Variants in KLHL29 observed in about 807,000 individuals in gnomAD.
KLHL29 encodes the protein kelch like family member 29.
Under a neutral mutation model 80.4 loss-of-function variants are expected in KLHL29, and 21 were observed. The ratio of observed to expected loss-of-function variants is 0.26; its 90% CI spans 0.19 to 0.38. The LOEUF (loss-of-function observed/expected upper bound fraction) is 0.38, where lower values mean the gene tolerates loss of function less well. Ranked by LOEUF, KLHL29 falls within the 10% of genes least tolerant of loss-of-function variation. The pLI, the probability that KLHL29 is intolerant of heterozygous loss-of-function variation, is 1.00. For missense variants in KLHL29, 867 were observed against 1,223.9 expected, an observed-to-expected ratio of 0.71 and a Z score of 4.35; for synonymous variants, 511 against 526.8, an observed-to-expected ratio of 0.97 and a Z score of 0.41.
chr2:23,493,632 CGTGT>C (rs926173957), intron 2 of KLHL29, among the ~76,000 whole-genome samples: 2 of 149,962 alleles, frequency 1.3e-5, no homozygotes, highest in African/African-American at 4.9e-5. Context: ...GCGGGGTGGG[CGTGT>C]GTGTGTGAGT....
At chr2:23,478,585 GAA>G (rs1460204984) in intron 2 of KLHL29, among the ~76,000 whole-genome samples, 1 of 152,172 alleles carries the variant, frequency 6.6e-6, no homozygotes, top group Non-Finnish European at 1.5e-5. Flanking sequence ...TGCACTGCAG[GAA>G]AGAGGGGTGG....
chr2:23,455,605 A>ATTTTTTT (rs397873479), intron 1 of KLHL29, among the ~76,000 whole-genome samples: 3 of 105,996 alleles, frequency 2.8e-5, no homozygotes, highest in Non-Finnish European at 5.6e-5. Context: ...TGGTCTCCTG[A>ATTTTTTT]TTTTTTTTTT....
chr2:23,698,079 C>G (rs1207288569), intron 11 of KLHL29: 1 of 152,276 alleles, frequency 6.6e-6, no homozygotes, highest in African/African-American at 2.4e-5. Flanking sequence ...ACAAGCTCTA[C>G]TCTTCCAGGG....
chr2:23,529,018 G>T (rs1323757415), intron 2 of KLHL29, among the ~76,000 whole-genome samples: 1 of 152,236 alleles, frequency 6.6e-6, no homozygotes, highest in Non-Finnish European at 1.5e-5. Context: ...TAAGCCTCTT[G>T]TCACTAGAAA....
intron 1 of KLHL29, among the ~76,000 whole-genome samples, chr2:23,430,106 C>T (rs1663127459): frequency 6.6e-6 from 1 of 152,098 alleles, no homozygotes; most frequent in Non-Finnish European, 1.5e-5. Flanking sequence ...TTCCTTCCAC[C>T]AGTGCAGTGG....
At chr2:23,694,349 G>C (rs957939894) in intron 8 of KLHL29, among the ~76,000 whole-genome samples, 3 of 152,034 alleles carry the variant, frequency 2.0e-5, no homozygotes, top group Admixed American at 6.5e-5. Context: ...TAAGTGGATC[G>C]ACTTCCCTCT....
chr2:23,632,707 A>G (rs1215597641), intron 3 of KLHL29, among the ~76,000 whole-genome samples: 2 of 152,248 alleles, frequency 1.3e-5, no homozygotes, highest in African/African-American at 2.4e-5. Flanking sequence ...ATAACCCTGC[A>G]GAGTGAGAAG....
In KLHL29 at chr2:23,541,275, G is replaced by A. The variant is rs747289963; in HGVS notation, c.-45-20877G>A. On this transcript the variant is annotated intron_variant, in intron 2 of 13. Transcript: ENST00000486442. The stretch of plus-strand genomic sequence containing the variant: ...TGCATGGGTGGATGCACGGGTAGAT[G>A]GATGGATGGATGGATAAGTAGATGG... Among the ~76,000 whole-genome samples, 190 of 152,314 alleles carry A rather than the reference G, an allele frequency of 1.2e-3. 1 individual carries two copies. Among genetic ancestry groups the A allele is most frequent in the Non-Finnish European group, 2.6e-4 (18 of 68,016 alleles).
At chr2:23,612,116 G>A (rs548107422) in intron 3 of KLHL29, among the ~76,000 whole-genome samples, 2 of 152,258 alleles carry the variant, frequency 1.3e-5, no homozygotes, top group African/African-American at 4.8e-5. Context: ...ACTGTTGAAA[G>A]ATATCAAGTC....
intron 1 of KLHL29, among the ~76,000 whole-genome samples, chr2:23,410,872 C>T (rs2103394818): frequency 6.6e-6 from 1 of 152,194 alleles, no homozygotes; most frequent in South Asian, 2.1e-4. Context: ...GACTCACAGG[C>T]CCCATCCTTC....
intron 3 of KLHL29, among the ~76,000 whole-genome samples, chr2:23,621,494 GGGA>G (rs1572444990): frequency 6.6e-6 from 1 of 151,970 alleles, no homozygotes; most frequent in South Asian, 2.1e-4. Context: ...GGAGAGGTAA[GGGA>G]GGAGAAGACA....
At chr2:23,563,516 T>A (rs866390331) in intron 3 of KLHL29, among the ~76,000 whole-genome samples, 10 of 152,236 alleles carry the variant, frequency 6.6e-5, no homozygotes, top group African/African-American at 2.4e-4. Flanking sequence ...TGTATGTGTG[T>A]GCACATGTGT....
chr2:23,423,411 C>T (rs541525398), intron 1 of KLHL29, among the ~76,000 whole-genome samples: 93 of 152,360 alleles, frequency 6.1e-4, no homozygotes, highest in African/African-American at 2.1e-3. Context: ...CTGCCCTGCG[C>T]GGGCTGTCCC....
intron 1 of KLHL29, among the ~76,000 whole-genome samples, chr2:23,417,448 G>C (rs1002556796): frequency 2.0e-5 from 3 of 152,226 alleles, no homozygotes; most frequent in African/African-American, 7.2e-5. Flanking sequence ...CTTAGCACAT[G>C]TCACCAAACT....
chr2:23,491,052 A>G (rs1305978307), intron 2 of KLHL29, among the ~76,000 whole-genome samples: 3 of 152,098 alleles, frequency 2.0e-5, no homozygotes, highest in East Asian at 1.9e-4. Flanking sequence ...TGCTGCACCT[A>G]TCAACCCATC....
At chr2:23,516,247 A>C (rs916193252) in intron 2 of KLHL29, among the ~76,000 whole-genome samples, 3 of 152,126 alleles carry the variant, frequency 2.0e-5, no homozygotes, top group Non-Finnish European at 4.4e-5. Context: ...GGCCATGGGC[A>C]CCTGCTGGGC....
At chr2:23,590,409 A>G (rs1668229687) in intron 3 of KLHL29, among the ~76,000 whole-genome samples, 1 of 151,652 alleles carries the variant, frequency 6.6e-6, no homozygotes. Context: ...TTCACGCTCC[A>G]CCTCCTGCTC....
At position 23,654,179 on chromosome 2, in the gene KLHL29, T is replaced by TA. The variant is rs112929224; in HGVS notation, c.940+11340dup. Among the ~76,000 whole-genome samples, 672 of 146,190 alleles carry TA rather than the reference T, an allele frequency of 4.6e-3. 4 individuals carry two copies. The highest frequency in any genetic ancestry group is 6.5e-3 in the Non-Finnish European group (431 of 66,042). On this transcript the variant is annotated intron_variant, in intron 5 of 13. Transcript: ENST00000486442. ...GAGACTCTGTCTCAAAAAATAAATTTAAAAAAAAAAACTAAATCACCCAGC... is the reference window on the plus strand; with the variant it reads ...GAGACTCTGTCTCAAAAAATAAATTTAAAAAAAAAAAACTAAATCACCCAGC...
chr2:23,572,892 G>A (rs1409995703), intron 3 of KLHL29, among the ~76,000 whole-genome samples: 1 of 152,180 alleles, frequency 6.6e-6, no homozygotes, highest in African/African-American at 2.4e-5. Context: ...AGTAGAGACG[G>A]GGTTTCACCA....
Sources: gnomAD v4.1 joint callset for allele counts (sites outside exome capture counted in the v4.1 genomes callset) on GRCh38, gnomAD v4.1.1 for gene constraint, MANE v1.5 for transcripts, NCBI Gene and HGNC (gene_info 2026-07-23, HGNC 2026-07-21) for gene names.